The following PHKA1 variants were observed in gnomAD, a reference collection of about 807,000 sequenced individuals.
The protein encoded by PHKA1 is phosphorylase b kinase regulatory subunit alpha, skeletal muscle isoform.
In PHKA1, 60 loss-of-function variants were observed where a neutral mutation model predicts 110.2. The observed-to-expected ratio is 0.54, with a 90% CI of 0.44 to 0.68. The LOEUF is 0.68. PHKA1 is among the 30% of genes least tolerant of loss of function. The probability of loss-of-function intolerance (pLI) is 0.00; values close to 1 mark genes in which losing one functional copy is unlikely to be tolerated. For missense variants in PHKA1, 801 were observed against 942.5 expected (o/e 0.85, Z 1.97); for synonymous variants, 316 against 333.6 (o/e 0.95, Z 0.58).
intron 3 of PHKA1, among the ~76,000 whole-genome samples, chrX:72,696,325 A>C (rs966849699): frequency 1.8e-5 from 2 of 112,125 alleles, no homozygotes; most frequent in Non-Finnish European, 3.8e-5. Context: ...GGAGTAATGA[A>C]AAGAGCTGCT....
At chrX:72,668,966 T>C in intron 6 of PHKA1, among the ~76,000 whole-genome samples, 1 of 112,548 alleles carries the variant, frequency 8.9e-6, no homozygotes, top group Admixed American at 9.4e-5. Flanking sequence ...AAGAAAGCAG[T>C]AACAGGCTTA....
At chrX:72,707,736 T>C (rs114152967) in intron 2 of PHKA1, 4 of 110,815 alleles carry the variant, frequency 3.6e-5, no homozygotes, top group African/African-American at 1.3e-4. Context: ...TATGCAAATA[T>C]GTTTATTTTA....
At chrX:72,588,375 A>C (rs55721614) in intron 29 of PHKA1, among the ~76,000 whole-genome samples, 54 of 112,233 alleles carry the variant, frequency 4.8e-4, no homozygotes, top group Non-Finnish European at 4.5e-4. Context: ...TGTTCTTTGA[A>C]ACCAATGAGA....
chrX:72,608,980 G>C (rs1379151496), intron 23 of PHKA1, among the ~76,000 whole-genome samples: 1 of 112,206 alleles, frequency 8.9e-6, no homozygotes, highest in Non-Finnish European at 1.9e-5. Flanking sequence ...TTTGGCACTG[G>C]TGTGATATGA....
At chrX:72,692,697 T>C (rs1396619754) in intron 4 of PHKA1, among the ~76,000 whole-genome samples, 1 of 111,752 alleles carries the variant, frequency 8.9e-6, no homozygotes, top group East Asian at 2.8e-4. Flanking sequence ...TTCCTAGTTT[T>C]AGTAATTTGA....
In PHKA1 at chrX:72,635,258, C is replaced by G. The variant is rs373300747; in HGVS notation, c.1611G>C (p.Lys537Asn). 1 of 1,210,745 alleles carries G rather than the reference C, an allele frequency of 8.3e-7. No homozygotes were observed. The highest frequency in any genetic ancestry group is 3.0e-5 in the East Asian group (1 of 33,853). The stretch of plus-strand genomic sequence containing the variant: ...CTGTTCTAAGCATTTCCACTATCAT[C>G]TTGTTGTCCAGAGCCAGGTAGAACT... Reference protein sequence around the residue: ...QQQFYLALDNKMIVEMLRTDL... With the variant: ...QQQFYLALDNNMIVEMLRTDL... Residue 537 changes from lysine to asparagine, a missense_variant, in exon 16 of 32, where the codon AAG (lysine) becomes AAC (asparagine). Around this residue, in one of 2 missense-constraint regions of PHKA1, gnomAD observed 299 missense variants for 423.3 expected, o/e 0.71. Transcript: ENST00000373542.
intron 4 of PHKA1, among the ~76,000 whole-genome samples, chrX:72,694,182 C>T (rs1427045819): frequency 9.0e-6 from 1 of 111,726 alleles, no homozygotes; most frequent in East Asian, 2.8e-4. Context: ...TTGCATACTA[C>T]CACTTAAATC....
intron 13 of PHKA1, among the ~76,000 whole-genome samples, chrX:72,646,658 G>A (rs1556297227): frequency 8.9e-6 from 1 of 111,753 alleles, no homozygotes; most frequent in East Asian, 2.8e-4. Context: ...AGCTGGAGAT[G>A]GGGTCGGGGC....
chrX:72,599,743 T>C (rs1430188540), intron 28 of PHKA1: 3 of 456,327 alleles, frequency 6.6e-6, no homozygotes, highest in Non-Finnish European at 1.2e-5. Flanking sequence ...TCAACCAGTA[T>C]ATGTCATGAT....
At chrX:72,660,520 T>C (rs2147772607) in intron 8 of PHKA1, 2 of 405,169 alleles carry the variant, frequency 4.9e-6, no homozygotes, top group South Asian at 5.9e-5. Flanking sequence ...CAGATGAGTA[T>C]AGAATTGGAC....
chrX:72,637,428 G>T (rs1179249197), intron 14 of PHKA1, among the ~76,000 whole-genome samples: 2 of 111,912 alleles, frequency 1.8e-5, no homozygotes, highest in African/African-American at 6.5e-5. Flanking sequence ...TATACATTTT[G>T]TGTATACATT....
Position 72,635,311 on chromosome X carries a change from A to T in PHKA1, c.1570-12T>A. ...TGCTGGTCTATAAACTGAGACAAAT[A>T]AAAATAATAGATTAGATTAATTTAC... is the stretch of plus-strand genomic sequence containing the variant. On this transcript the variant is annotated splice_polypyrimidine_tract_variant and intron_variant, in intron 15 of 31. Transcript: ENST00000373542. The T allele has an allele frequency of 8.4e-7, 1 of 1,188,588 alleles. No homozygotes were observed. The highest frequency in any genetic ancestry group is 1.1e-6 in the Non-Finnish European group (1 of 875,592).
intron 8 of PHKA1, among the ~76,000 whole-genome samples, chrX:72,657,989 A>G (rs1482982236): frequency 1.8e-5 from 2 of 111,774 alleles, no homozygotes; most frequent in Non-Finnish European, 3.8e-5. Flanking sequence ...CATACAGCTC[A>G]TAAGTCATAA....
At chrX:72,704,655 C>T (rs2054253945) in intron 3 of PHKA1, among the ~76,000 whole-genome samples, 1 of 111,258 alleles carries the variant, frequency 9.0e-6, no homozygotes, top group Non-Finnish European at 1.9e-5. Context: ...ACCATCTTGG[C>T]TCACTGCAGC....
intron 7 of PHKA1, among the ~76,000 whole-genome samples, chrX:72,666,894 C>A (rs2053621438): frequency 8.9e-6 from 1 of 112,141 alleles, no homozygotes; most frequent in African/African-American, 3.2e-5. Flanking sequence ...ATGAGAAAAA[C>A]CTTAATCTTT....
At position 72,590,361 on chromosome X, in the gene PHKA1, T is replaced by A. The variant is rs2052501319; in HGVS notation, c.3243+2743A>T. Among the ~76,000 whole-genome samples the A allele has an allele frequency of 2.7e-5, 3 of 112,002 alleles. No individual in the cohort carries two copies. In the South Asian group the frequency reaches 1.1e-3, roughly 42 times the overall value. On this transcript the variant is annotated intron_variant, in intron 29 of 31. Transcript: ENST00000373542. ...ATTTAATAAATGGTGCTGGGAAAAC[T>A]GGCTAGCCATATGTAGAAAGCTGAA...
At chrX:72,655,560 G>A (rs1467388917) in intron 10 of PHKA1, among the ~76,000 whole-genome samples, 1 of 112,787 alleles carries the variant, frequency 8.9e-6, no homozygotes, top group Non-Finnish European at 1.9e-5. Context: ...TTTTCATTAT[G>A]TATAGAGAAA....
At chrX:72,613,984 C>T (rs1159583146) in intron 21 of PHKA1, among the ~76,000 whole-genome samples, 2 of 111,664 alleles carry the variant, frequency 1.8e-5, no homozygotes, top group Admixed American at 9.5e-5. Context: ...AATGGAGACT[C>T]AAGACACCTG....
At chrX:72,657,780 TATA>T in intron 8 of PHKA1, 139 bp from the exon 9 acceptor site, 1 of 449,617 alleles carries the variant, frequency 2.2e-6, no homozygotes, top group Non-Finnish European at 3.8e-6. Context: ...CCAAAAAACC[TATA>T]ATAATATAAT....
Sources: allele counts gnomAD v4.1 joint callset (sites outside exome capture counted in the v4.1 genomes callset), GRCh38; gene constraint gnomAD v4.1.1; regional missense constraint gnomAD v4.1.1; transcripts MANE v1.5; gene names NCBI Gene and HGNC (gene_info 2026-07-23, HGNC 2026-07-21).